Variants in BCAM observed in about 807,000 individuals in gnomAD.
BCAM encodes basal cell adhesion molecule (Lutheran blood group).
BCAM carries 61 observed loss-of-function variants against 72.4 expected under a neutral mutation model. The observed-to-expected ratio is 0.84, with a 90% CI of 0.69 to 1.04. The LOEUF is 1.04. Among genes scored for constraint, BCAM ranks in the 50% least tolerant of loss-of-function variants. The pLI is 0.00. For synonymous variants in BCAM, 408 were observed against 384.2 expected (o/e 1.06, Z -0.73); for missense variants, 909 against 895.0 (o/e 1.02, Z -0.20).
At position 44,810,789 on chromosome 19, in the gene BCAM, CAGGGCCCTGTGCAGCCCAG is replaced by C. The variant is rs533669704; in HGVS notation, c.83-432_83-414del. On this transcript the variant is annotated intron_variant, in intron 1 of 14. Transcript: ENST00000270233. ...CCCCAGGAGTGTTCAGCGGAGGCCA[CAGGGCCCTGTGCAGCCCAG>C]AGGAGGAGCCCTGAGCTCTGCAAGT... Among the ~76,000 whole-genome samples the C allele has an allele frequency of 5.4e-3, 826 of 152,298 alleles. 6 individuals are homozygous for C. The highest frequency in any genetic ancestry group is 0.019 in the African/African-American group (795 of 41,564).
At position 44,813,742 on chromosome 19, in the gene BCAM, A is replaced by G; in HGVS notation, c.784+122A>G. 2 of 1,371,766 alleles carry G rather than the reference A, an allele frequency of 1.5e-6. No homozygotes were observed. Among genetic ancestry groups the G allele is most frequent in the Non-Finnish European group, 2.0e-6 (2 of 1,025,200 alleles). 85.0% of individuals were successfully genotyped at this position (1,371,766 alleles called of 1,614,324 possible). ...TGCCTCCCTACTTCATGCTAAAAAA[A>G]AATGTGCTAGTGCTGGCCACTGACC... On this transcript the variant is annotated intron_variant, in intron 6 of 14. Coordinates refer to ENST00000270233, the MANE Select transcript of BCAM (RefSeq NM_005581.5). The surrounding 1 kb of genome is among the most constrained non-coding windows in gnomAD (Gnocchi z 4.2).
In BCAM at chr19:44,821,175, G is replaced by A. The variant is rs1173941558; in HGVS notation, c.*254G>A. On this transcript the variant is annotated 3_prime_UTR_variant, in exon 15 of 15. Coordinates refer to ENST00000270233, the MANE Select transcript of BCAM (RefSeq NM_005581.5). ...TGTGACTCTCCCAGGCCCCAGAATA[G>A]CTCCTGGACCCAAGCCCAAGGCCCA... 2 of 466,232 alleles carry A rather than the reference G, an allele frequency of 4.3e-6. No homozygotes were observed. Among genetic ancestry groups the A allele is most frequent in the African/African-American group, 2.0e-5 (1 of 49,416 alleles). 28.9% of individuals were successfully genotyped at this position (466,232 alleles called of 1,614,324 possible). A position where few individuals can be genotyped will look rare whatever the true frequency, so the allele number is the denominator to read the frequency against.
chr19:44,814,905 G>GTTTTTTTTTTT lies in BCAM; in HGVS notation c.1078+147_1078+148insTTTTTTTTTTT. 1 of 826,986 alleles carries GTTTTTTTTTTT rather than the reference G, an allele frequency of 1.2e-6. No homozygotes were observed. The highest frequency in any genetic ancestry group is 1.6e-6 in the Non-Finnish European group (1 of 611,428). The allele number at this position is 826,986 out of a possible 1,614,324, so 51.2% of individuals were successfully genotyped here. A position where few individuals can be genotyped will look rare whatever the true frequency, so the allele number is the denominator to read the frequency against. On this transcript the variant is annotated intron_variant, in intron 8 of 14. Transcript: ENST00000270233. The surrounding 1 kb of genome is among the most constrained non-coding windows in gnomAD (Gnocchi z 4.6). ...TCTGCATTTCTTGGGGGTTTTTTTGGTTGTTTTTTTTTTTTTTTTTTTCCC... is the reference window on the plus strand; with the variant it reads ...TCTGCATTTCTTGGGGGTTTTTTTGGTTTTTTTTTTTTTGTTTTTTTTTTTTTTTTTTTCCC...
intron 8 of BCAM, among the ~76,000 whole-genome samples, chr19:44,816,303 C>T (rs893537083): frequency 6.6e-6 from 1 of 152,132 alleles, no homozygotes; most frequent in Non-Finnish European, 1.5e-5. Flanking sequence ...GAGTGAGACT[C>T]CATCTCAGAA....
rs949876981 is a variant in BCAM at position 44,820,764 on chromosome 19, T to G, written c.1823T>G (p.Leu608Arg). ...TCGGAGCAACCAGAGCAGACCGGCC[T>G]TCTCATGGGAGGTGCCTCCGGAGGA... Reference protein sequence around the residue: ...SGSEQPEQTGLLMGGASGGAR... With the variant: ...SGSEQPEQTGRLMGGASGGAR... Residue 608 changes from leucine (L) to arginine (R), a missense_variant, in exon 14 of 15, where the codon CTT (leucine) becomes CGT (arginine). By Grantham distance (102) the Leu-to-Arg change is moderately radical. Transcript: ENST00000270233. 1 of 1,500,504 alleles carries G rather than the reference T, an allele frequency of 6.7e-7. No homozygotes were observed. 92.9% of individuals were successfully genotyped at this position (1,500,504 alleles called of 1,614,324 possible).
At chr19:44,817,050 A>G (rs1436115671) in intron 8 of BCAM, among the ~76,000 whole-genome samples, 1 of 152,080 alleles carries the variant, frequency 6.6e-6, no homozygotes, top group East Asian at 1.9e-4. Context: ...ATCCTGGCTA[A>G]CACGGTGAAA....
rs1394653287 is a variant in BCAM, at chr19:44,820,704, G to A, written c.1764-1G>A. On this transcript the variant is annotated splice_acceptor_variant, in intron 13 of 14. Transcript: ENST00000270233. LOFTEE classifies it high-confidence loss of function. ...CTCCGCCCGCTGCCTCCTCCCCCCA[G>A]GCCGCCAGGGGAGCCAGGGCTGAGC... is the stretch of plus-strand genomic sequence containing the variant. 4 of 1,387,564 alleles carry A rather than the reference G, an allele frequency of 2.9e-6. No individual in the cohort carries two copies. Among genetic ancestry groups the A allele is most frequent in the Non-Finnish European group, 3.8e-6 (4 of 1,064,320 alleles). 86.0% of individuals were successfully genotyped at this position (1,387,564 alleles called of 1,614,324 possible).
At chr19:44,809,680 G>C (rs902963332) in intron 1 of BCAM, among the ~76,000 whole-genome samples, 1 of 152,094 alleles carries the variant, frequency 6.6e-6, no homozygotes, top group African/African-American at 2.4e-5. Context: ...CCACACCAGC[G>C]ATCCACATGT....
intron 8 of BCAM, among the ~76,000 whole-genome samples, chr19:44,815,586 C>G (rs1968494364): frequency 6.6e-6 from 1 of 152,104 alleles, no homozygotes; most frequent in Non-Finnish European, 1.5e-5. Flanking sequence ...TCCTGAGAAG[C>G]AGATTCTGAC....
rs774091469 is a variant in BCAM, at chr19:44,809,163, C to T, written c.39C>T (p.Ala13=). The T allele has an allele frequency of 1.4e-6, 2 of 1,474,512 alleles. No individual in the cohort carries two copies. The highest frequency in any genetic ancestry group is 1.8e-6 in the Non-Finnish European group (2 of 1,116,114). 91.3% of individuals were successfully genotyped at this position (1,474,512 alleles called of 1,614,324 possible). The change falls in exon 1 of 15, where the codon GCC becomes GCT. Residue 13 remains alanine, a synonymous_variant. Transcript: ENST00000270233. ...ACGCACCGGCCCAGGCGCGCGGGGC[C>T]CCGCGGCTGCTGTTGCTCGCAGTCC... ...PPDAPAQARG[A]PRLLLLAVLL... is the part of the protein sequence containing the mutation.
At chr19:44,815,906 G>A (rs912447876) in intron 8 of BCAM, among the ~76,000 whole-genome samples, 6 of 151,964 alleles carry the variant, frequency 3.9e-5, no homozygotes, top group African/African-American at 7.3e-5. Context: ...CCAGCTACTC[G>A]GAGGCCCAGG....
Position 44,820,897 on chromosome 19 carries a change from C to G in BCAM, c.1882-19C>G, listed in dbSNP as rs751255771. ...AGCACGCCCGTGGGCACAGGCTGACCTCTCCATCCGCTCCCCAGTGCTGAG... is the reference window on the plus strand; with the variant it reads ...AGCACGCCCGTGGGCACAGGCTGACGTCTCCATCCGCTCCCCAGTGCTGAG... On this transcript the variant is annotated intron_variant, in intron 14 of 14. Coordinates refer to ENST00000270233, the MANE Select transcript of BCAM (RefSeq NM_005581.5). 6.4e-7 allele frequency: 1 copy of G among 1,560,054 alleles called. No individual in the cohort carries two copies. Among genetic ancestry groups the G allele is most frequent in the Non-Finnish European group, 8.7e-7 (1 of 1,152,920 alleles).
Position 44,813,408 on chromosome 19 carries a change from C to A in BCAM, c.602-30C>A. The A allele has an allele frequency of 1.2e-6, 2 of 1,607,648 alleles. No individual in the cohort carries two copies. The highest frequency in any genetic ancestry group is 1.1e-5 in the South Asian group (1 of 90,868). On this transcript the variant is annotated intron_variant, in intron 5 of 14. Coordinates refer to ENST00000270233, the MANE Select transcript of BCAM (RefSeq NM_005581.5). This position sits in a 1 kb window ranked among gnomAD's most constrained non-coding sequence, Gnocchi z 4.2. ...GGTGGGTGGCGGGGCTATGGCCTGGCTGACTGCCACCTCCCCCGATCTCTC... is the reference window on the plus strand; with the variant it reads ...GGTGGGTGGCGGGGCTATGGCCTGGATGACTGCCACCTCCCCCGATCTCTC...
Position 44,812,013 on chromosome 19 carries a change from G to A in BCAM, c.205-150G>A. On this transcript the variant is annotated intron_variant, in intron 2 of 14. Transcript: ENST00000270233. This position sits in a 1 kb window ranked among gnomAD's most constrained non-coding sequence, Gnocchi z 5.3. ...AAGAACTGATAGGGAATGGGGGCAG[G>A]AGAAGGTGGGGAGGGACAGAGGGAC... The A allele has an allele frequency of 1.4e-6, 1 of 727,384 alleles. No individual in the cohort carries two copies. Among genetic ancestry groups the A allele is most frequent in the Non-Finnish European group, 2.3e-6 (1 of 438,528 alleles). The allele number at this position is 727,384 out of a possible 1,614,324, so 45.1% of individuals were successfully genotyped here.
Position 44,818,565 on chromosome 19 carries a change from A to G in BCAM, c.1122A>G (p.Leu374=), listed in dbSNP as rs141978868. Residue 374 remains leucine (L), a synonymous_variant, in exon 9 of 15, where the codon TTA becomes TTG. Coordinates refer to ENST00000270233, the MANE Select transcript of BCAM (RefSeq NM_005581.5). The surrounding 1 kb of genome is among the most constrained non-coding windows in gnomAD (Gnocchi z 4.6). ...TCAGCGAGGGGAAGGTGCTTTCCTT[A>G]CCTCTAAACAGCAGTGCAGTCGTGA... ...LELSEGKVLS[L]PLNSSAVVNC... is the part of the protein sequence containing the mutation. The G allele has an allele frequency of 1.0e-4, 165 of 1,613,686 alleles. No individual in the cohort carries two copies. The highest frequency in any genetic ancestry group is 4.9e-4 in the Middle Eastern group (3 of 6,074).
Position 44,813,621 on chromosome 19 carries a change from G to A in BCAM, c.784+1G>A. ...CCCACCTTCCACCTCACCCTGCACT[G>A]TGAGTCTGTGCTGGCCTTTGACCTC... On this transcript the variant is annotated splice_donor_variant, in intron 6 of 14. Transcript: ENST00000270233. LOFTEE classifies it high-confidence loss of function. This position sits in a 1 kb window ranked among gnomAD's most constrained non-coding sequence, Gnocchi z 4.2. 1 of 1,611,288 alleles carries A rather than the reference G, an allele frequency of 6.2e-7. No homozygotes were observed. The highest frequency in any genetic ancestry group is 8.5e-7 in the Non-Finnish European group (1 of 1,179,426).
chr19:44,820,677 G>A (rs1227061544), intron 13 of BCAM, 28 bp from the exon 14 acceptor site: 8 of 1,286,928 alleles, frequency 6.2e-6, no homozygotes, highest in East Asian at 6.6e-5. Context: ...CCAACACGAC[G>A]CCTCCGCCCG....
At position 44,814,905 on chromosome 19, in the gene BCAM, G is replaced by GTTTT; in HGVS notation, c.1078+147_1078+148insTTTT. ...TCTGCATTTCTTGGGGGTTTTTTTG[G>GTTTT]TTGTTTTTTTTTTTTTTTTTTTCCC... On this transcript the variant is annotated intron_variant, in intron 8 of 14. Coordinates refer to ENST00000270233, the MANE Select transcript of BCAM (RefSeq NM_005581.5). The surrounding 1 kb of genome is among the most constrained non-coding windows in gnomAD (Gnocchi z 4.6). 9.7e-6 allele frequency: 8 copies of GTTTT among 826,892 alleles called. No individual in the cohort carries two copies. Among genetic ancestry groups the GTTTT allele is most frequent in the Middle Eastern group, 4.0e-4 (1 of 2,484 alleles). The allele number at this position is 826,892 out of a possible 1,614,324, so 51.2% of individuals were successfully genotyped here.
chr19:44,811,181 T>C, intron 1 of BCAM, 44 bp from the exon 2 acceptor site: 3 of 1,610,176 alleles, frequency 1.9e-6, no homozygotes, highest in Non-Finnish European at 1.7e-6. Context: ...TGGAGGGCTC[T>C]TCCTGTTGGT....
Sources: allele counts gnomAD v4.1 joint callset (sites outside exome capture counted in the v4.1 genomes callset), GRCh38; gene constraint gnomAD v4.1.1; non-coding constraint Gnocchi (gnomAD v3.1); transcripts MANE v1.5; gene names NCBI Gene and HGNC (gene_info 2026-07-23, HGNC 2026-07-21).